The following SYT14 variants were observed in gnomAD, a reference collection of about 807,000 sequenced individuals.
SYT14 encodes the protein synaptotagmin-14.
SYT14 carries 32 observed loss-of-function variants against 74.2 expected under a neutral mutation model. That is an observed-to-expected ratio of 0.43 (90% CI 0.33 to 0.58). The LOEUF is 0.58. Among genes scored for constraint, SYT14 ranks in the 20% least tolerant of loss-of-function variants. The pLI is 0.05. For missense variants in SYT14, 791 were observed against 981.8 expected, an observed-to-expected ratio of 0.81 and a Z score of 2.60; for synonymous variants, 298 against 337.7, an observed-to-expected ratio of 0.88 and a Z score of 1.29.
At chr1:209,938,333 G>A in intron 1 of SYT14, 56 bp downstream of exon 1, 2 of 1,515,034 alleles carry the variant, frequency 1.3e-6, no homozygotes, top group Non-Finnish European at 1.8e-6. Flanking sequence ...CTGGCGGGGG[G>A]CTCGGAGGTG....
At chr1:210,077,910 C>A (rs1189196244) in intron 5 of SYT14, among the ~76,000 whole-genome samples, 1 of 151,946 alleles carries the variant, frequency 6.6e-6, no homozygotes, top group Non-Finnish European at 1.5e-5. Context: ...GTTAAACAGA[C>A]CAGAAAAGGT....
intron 5 of SYT14, among the ~76,000 whole-genome samples, chr1:210,071,313 CTA>C (rs2081390529): frequency 1.3e-5 from 1 of 74,782 alleles, no homozygotes; most frequent in South Asian, 4.6e-4. Flanking sequence ...TTTATTCACT[CTA>C]TGATCTCTAA....
chr1:210,080,829 G>A (rs192437595), intron 5 of SYT14, among the ~76,000 whole-genome samples: 1 of 152,334 alleles, frequency 6.6e-6, no homozygotes, highest in Admixed American at 6.5e-5. Context: ...CAACATGCAT[G>A]CATAGATGGA....
chr1:209,957,623 C>T (rs541036298), intron 2 of SYT14, among the ~76,000 whole-genome samples: 1 of 152,118 alleles, frequency 6.6e-6, no homozygotes, highest in Non-Finnish European at 1.5e-5. Flanking sequence ...GACTGGGTTT[C>T]ACCATGTTGG....
chr1:210,124,155 C>T (rs967556208), intron 7 of SYT14, among the ~76,000 whole-genome samples: 1 of 151,196 alleles, frequency 6.6e-6, no homozygotes, highest in Non-Finnish European at 1.5e-5. Flanking sequence ...GTAGTTATGA[C>T]AGAGATCATA....
At chr1:210,135,592 C>G (rs1558213728) in intron 7 of SYT14, among the ~76,000 whole-genome samples, 2 of 152,062 alleles carry the variant, frequency 1.3e-5, no homozygotes, top group South Asian at 4.1e-4. Flanking sequence ...TATCAATTGA[C>G]TTTTTTTCCT....
At chr1:210,097,858 T>A (rs942728808) in intron 6 of SYT14, among the ~76,000 whole-genome samples, 3 of 152,166 alleles carry the variant, frequency 2.0e-5, no homozygotes, top group African/African-American at 7.2e-5. Context: ...GCATACATTA[T>A]ACCAACTAGC....
In SYT14 at chr1:210,136,851, G is replaced by C. The variant is rs151064729; in HGVS notation, c.2035-18870G>C. 4.6e-5 allele frequency among the ~76,000 whole-genome samples: 7 copies of C among 152,252 alleles called. No homozygotes were observed. In the East Asian group the frequency reaches 1.4e-3, roughly 29 times the overall value. The stretch of plus-strand genomic sequence containing the variant: ...AACTTAGTGTGCAGACTGTTAGAAG[G>C]ATCATTCATGTGGAAATTTAATTCA... On this transcript the variant is annotated intron_variant, in intron 7 of 9. Coordinates refer to ENST00000637265, the Ensembl canonical transcript of SYT14.
At chr1:209,954,279 G>C (rs1028561371) in intron 2 of SYT14, among the ~76,000 whole-genome samples, 11 of 152,176 alleles carry the variant, frequency 7.2e-5, no homozygotes, top group Admixed American at 5.9e-4. Flanking sequence ...ATAGAGGATG[G>C]TGTGAATATA....
At chr1:210,082,079 A>C (rs1225996222) in intron 5 of SYT14, among the ~76,000 whole-genome samples, 3 of 152,256 alleles carry the variant, frequency 2.0e-5, no homozygotes, top group Admixed American at 6.5e-5. Context: ...AAAGCAAAGC[A>C]GTTGAGTAAA....
intron 7 of SYT14, among the ~76,000 whole-genome samples, chr1:210,120,481 A>G (rs2082438274): frequency 6.6e-6 from 1 of 151,712 alleles, no homozygotes; most frequent in Non-Finnish European, 1.5e-5. Flanking sequence ...AGAAGCTACT[A>G]TACCTTTTAT....
intron 5 of SYT14, among the ~76,000 whole-genome samples, chr1:210,083,574 A>G (rs561845203): frequency 1.4e-5 from 2 of 144,190 alleles, no homozygotes; most frequent in East Asian, 2.1e-4. Context: ...CTAATTTTCA[A>G]TTTTTTTTTT....
In SYT14 at chr1:210,002,857, T is replaced by C. The variant is rs138656214; in HGVS notation, c.-485-10776T>C. ...TGAGCCTTTTCCTCCTGATTATGTG[T>C]TGCAAATACATTATTCCATATAATA... is the stretch of plus-strand genomic sequence containing the variant. On this transcript the variant is annotated intron_variant, in intron 2 of 9. Transcript: ENST00000637265. Among the ~76,000 whole-genome samples the C allele has an allele frequency of 2.1e-4, 32 of 152,254 alleles. No individual in the cohort carries two copies. In the East Asian group the frequency reaches 6.0e-3, roughly 28 times the overall value.
intron 1 of SYT14, among the ~76,000 whole-genome samples, chr1:209,948,426 A>G (rs2078856700): frequency 6.6e-6 from 1 of 152,334 alleles, no homozygotes; most frequent in South Asian, 2.1e-4. Flanking sequence ...GGATTATGCC[A>G]GTTTGCATTT....
exon 10 of SYT14, chr1:210,163,528 C>A (rs1187892210): frequency 8.8e-6 from 4 of 453,432 alleles, no homozygotes; most frequent in South Asian, 6.2e-5. Context: ...GGCAAAGGTG[C>A]CCTGGCTTTT....
chr1:210,121,812 A>C (rs970319720), intron 7 of SYT14, among the ~76,000 whole-genome samples: 1 of 149,912 alleles, frequency 6.7e-6, no homozygotes, highest in Non-Finnish European at 1.5e-5. Flanking sequence ...AAAAAAGAAG[A>C]AAGAAATATA....
At chr1:209,979,638 T>C (rs2079443973) in intron 2 of SYT14, among the ~76,000 whole-genome samples, 1 of 152,048 alleles carries the variant, frequency 6.6e-6, no homozygotes, top group Admixed American at 6.5e-5. Flanking sequence ...CAGTGTGTGT[T>C]TTTCCCCACC....
intron 5 of SYT14, among the ~76,000 whole-genome samples, chr1:210,060,372 G>A (rs555602823): frequency 7.4e-6 from 1 of 134,560 alleles, no homozygotes; most frequent in East Asian, 2.2e-4. Flanking sequence ...AGCATAATAT[G>A]TAAAGTTAAC....
At chr1:210,084,416 A>G (rs1228904183) in intron 5 of SYT14, among the ~76,000 whole-genome samples, 1 of 152,174 alleles carries the variant, frequency 6.6e-6, no homozygotes, top group South Asian at 2.1e-4. Context: ...TGGCAAGCCC[A>G]TGTATTTTTG....
Sources: allele counts gnomAD v4.1 joint callset (sites outside exome capture counted in the v4.1 genomes callset), GRCh38; gene constraint gnomAD v4.1.1; transcripts MANE v1.5; gene names NCBI Gene and HGNC (gene_info 2026-07-23, HGNC 2026-07-21).